The following ZBBX variants were observed in gnomAD, a reference collection of about 807,000 sequenced individuals.
ZBBX encodes the protein zinc finger B-box domain containing.
In ZBBX, 101 loss-of-function variants were observed where a neutral mutation model predicts 108.5. That is an observed-to-expected ratio of 0.93 (90% CI 0.79 to 1.10). The LOEUF is 1.10. Among genes scored for constraint, ZBBX ranks in the 50% least tolerant of loss-of-function variants. The probability of loss-of-function intolerance (pLI) is 0.00; values close to 1 mark genes in which losing one functional copy is unlikely to be tolerated. For synonymous variants in ZBBX, 356 were observed against 323.4 expected, an observed-to-expected ratio of 1.10 and a Z score of -1.08; for missense variants, 1,009 against 941.4, an observed-to-expected ratio of 1.07 and a Z score of -0.94.
intron 20 of ZBBX, among the ~76,000 whole-genome samples, chr3:167,258,625 T>A (rs1723932575): frequency 6.6e-6 from 1 of 152,176 alleles, no homozygotes; most frequent in South Asian, 2.1e-4. Flanking sequence ...CCAGATGGCT[T>A]TTTTACATTA....
intron 8 of ZBBX, among the ~76,000 whole-genome samples, chr3:167,358,372 G>A (rs1409984279): frequency 6.6e-6 from 1 of 151,910 alleles, no homozygotes; most frequent in East Asian, 1.9e-4. Context: ...TAGGGGATGG[G>A]GGGAATGGGG....
chr3:167,404,557 G>T (rs200528302), intron 1 of ZBBX, among the ~76,000 whole-genome samples: 45 of 140,188 alleles, frequency 3.2e-4, no homozygotes, highest in African/African-American at 1.2e-3. Flanking sequence ...CTTTCTCCAC[G>T]CCCATTCAAG....
chr3:167,217,617 T>C, the ZBBX span, among the ~76,000 whole-genome samples: 1 of 152,088 alleles, frequency 6.6e-6, no homozygotes, highest in Non-Finnish European at 1.5e-5. Context: ...ACTGGACATA[T>C]ACCCAGAGGA....
At chr3:167,387,155 C>T (rs769169605) in intron 1 of ZBBX, among the ~76,000 whole-genome samples, 3 of 151,992 alleles carry the variant, frequency 2.0e-5, no homozygotes, top group Non-Finnish European at 4.4e-5. Context: ...ACATGGCTAG[C>T]TTTGGTGAAG....
intron 20 of ZBBX, among the ~76,000 whole-genome samples, chr3:167,265,563 C>T (rs1205731371): frequency 3.3e-5 from 5 of 152,144 alleles, no homozygotes; most frequent in Non-Finnish European, 5.9e-5. Flanking sequence ...AGGGATGGTG[C>T]AAGCTCTCCC....
At chr3:167,259,621 C>T (rs1267800143) in intron 20 of ZBBX, among the ~76,000 whole-genome samples, 3 of 152,092 alleles carry the variant, frequency 2.0e-5, no homozygotes, top group Non-Finnish European at 4.4e-5. Flanking sequence ...GGGCTATGAA[C>T]TTTCCTCTTA....
Position 167,261,978 on chromosome 3 carries a change from G to T in ZBBX, c.2255-19335C>A, listed in dbSNP as rs534392444. ...TGCTCTTTTGGATCCCTGTGGTGCA[G>T]GCAGGAATGGCCTGGTAGGTGACCC... On this transcript the variant is annotated intron_variant, in intron 20 of 21. Coordinates refer to ENST00000675490, the MANE Select transcript of ZBBX (RefSeq NM_001199201.2). 1.0e-3 allele frequency among the ~76,000 whole-genome samples: 158 copies of T among 152,216 alleles called. 1 individual carries two copies. The highest frequency in any genetic ancestry group is 6.8e-3 in the Middle Eastern group (2 of 294).
At position 167,314,130 on chromosome 3, in the gene ZBBX, G is replaced by A; in HGVS notation, c.1275-14C>T. ...TGAAAAGCACAACTTTCACATGTAG[G>A]AACAAACAAAATAATAGAGTTGAAA... is the stretch of plus-strand genomic sequence containing the variant. On this transcript the variant is annotated splice_polypyrimidine_tract_variant and intron_variant, in intron 15 of 21. Transcript: ENST00000675490. 2 of 1,556,344 alleles carry A rather than the reference G, an allele frequency of 1.3e-6. No individual in the cohort carries two copies. Among genetic ancestry groups the A allele is most frequent in the Non-Finnish European group, 8.6e-7 (1 of 1,156,476 alleles).
chr3:167,282,263 T>G lies in ZBBX; in HGVS notation c.2229A>C (p.Glu743Asp), dbSNP rs1728947586. Residue 743 changes from glutamate to aspartate, a missense_variant, in exon 20 of 22, where the codon GAA (glutamate) becomes GAC (aspartate). Glu to Asp is a conservative substitution (Grantham distance 45). Coordinates refer to ENST00000675490, the MANE Select transcript of ZBBX (RefSeq NM_001199201.2). The part of the protein sequence containing the change: ...DQHTLDNLEK[E>D]LQVLRSLADT... ...CTGCAAGAGATCTCAGCACTTGTAA[T>G]TCTTTTTCCAAATTGTCTAAAGTAT... The G allele has an allele frequency of 1.2e-6, 2 of 1,612,736 alleles. No homozygotes were observed. Among genetic ancestry groups the G allele is most frequent in the Non-Finnish European group, 1.7e-6 (2 of 1,179,552 alleles).
chr3:167,292,209 T>C (rs1192705719), intron 18 of ZBBX, among the ~76,000 whole-genome samples: 1 of 152,182 alleles, frequency 6.6e-6, no homozygotes, highest in Non-Finnish European at 1.5e-5. Flanking sequence ...GTGGACTTAA[T>C]AGACATCTAC....
chr3:167,275,485 G>T (rs1560057074), intron 20 of ZBBX, among the ~76,000 whole-genome samples: 1 of 152,238 alleles, frequency 6.6e-6, no homozygotes, highest in African/African-American at 2.4e-5. Context: ...AGGGGTCAGG[G>T]AGTTCCCTTT....
chr3:167,216,641 C>CA, the ZBBX span, among the ~76,000 whole-genome samples: 2 of 151,440 alleles, frequency 1.3e-5, no homozygotes, highest in Non-Finnish European at 2.9e-5. Context: ...TTATATGGAA[C>CA]AAAAAAAAGA....
chr3:167,268,242 G>T (rs1725908106), intron 20 of ZBBX, among the ~76,000 whole-genome samples: 1 of 151,586 alleles, frequency 6.6e-6, no homozygotes, highest in Non-Finnish European at 1.5e-5. Flanking sequence ...GACCCTTATG[G>T]GTTAGCAGAT....
the ZBBX span, among the ~76,000 whole-genome samples, chr3:167,221,147 T>A: frequency 1.3e-5 from 2 of 151,940 alleles, no homozygotes; most frequent in Non-Finnish European, 2.9e-5. Context: ...TAAAGCAATC[T>A]ACAGATTAAA....
chr3:167,218,060 T>C, the ZBBX span, among the ~76,000 whole-genome samples: 1 of 151,906 alleles, frequency 6.6e-6, no homozygotes, highest in South Asian at 2.1e-4. Flanking sequence ...CACTTTCAAG[T>C]GGGAGCTAGA....
the ZBBX span, among the ~76,000 whole-genome samples, chr3:167,230,740 T>C: frequency 1.3e-5 from 2 of 151,788 alleles, no homozygotes; most frequent in African/African-American, 4.8e-5. Context: ...CCTGATCAAA[T>C]GAGCTTTGGA....
chr3:167,227,182 A>G, the ZBBX span, among the ~76,000 whole-genome samples: 2,024 of 151,856 alleles, frequency 0.013, 22 homozygotes, highest in South Asian at 0.026. Context: ...GCTAGAAACT[A>G]CCATATTCCT....
chr3:167,304,960 TC>T (rs1373916428), intron 17 of ZBBX, among the ~76,000 whole-genome samples: 19 of 152,252 alleles, frequency 1.2e-4, no homozygotes, highest in Non-Finnish European at 2.5e-4. Flanking sequence ...GCTTCCCTCT[TC>T]AGGAACCATA....
intron 17 of ZBBX, among the ~76,000 whole-genome samples, chr3:167,300,915 CT>C (rs59563822): frequency 0.38 from 52,437 of 136,424 alleles, 9,728 homozygotes; most frequent in Non-Finnish European, 0.43. Context: ...TGTGCCTGGC[CT>C]TTTTTTTTTT....
Sources: allele counts gnomAD v4.1 joint callset (sites outside exome capture counted in the v4.1 genomes callset), GRCh38; gene constraint gnomAD v4.1.1; transcripts MANE v1.5; gene names NCBI Gene and HGNC (gene_info 2026-07-23, HGNC 2026-07-21).